The following ATP11A variants were observed in gnomAD, a reference collection of about 807,000 sequenced individuals.
ATP11A encodes the protein ATPase phospholipid transporting 11A.
A neutral mutation model predicts 154.4 loss-of-function variants in ATP11A; 81 were observed. That is an observed-to-expected ratio of 0.52 (90% confidence interval 0.44 to 0.63). The LOEUF (loss-of-function observed/expected upper bound fraction) is 0.63. Ranked by LOEUF, ATP11A falls within the 30% of genes least tolerant of loss-of-function variation. ATP11A has a pLI of 0.00. For synonymous variants in ATP11A, 623 were observed against 585.9 expected (o/e 1.06, Z -0.91); for missense variants, 1,316 against 1,474.3 (o/e 0.89, Z 1.76).
intron 1 of ATP11A, among the ~76,000 whole-genome samples, chr13:112,722,702 A>G (rs1889337672): frequency 6.6e-6 from 1 of 152,212 alleles, no homozygotes; most frequent in Non-Finnish European, 1.5e-5. Flanking sequence ...TACGTAAAAT[A>G]CTTTAGAAAG....
At chr13:112,722,458 G>A (rs535060779) in intron 1 of ATP11A, among the ~76,000 whole-genome samples, 159 of 152,250 alleles carry the variant, frequency 1.0e-3, no homozygotes, top group Non-Finnish European at 2.0e-3. Context: ...TCAGGGTAGC[G>A]AGTTTCAGGG....
chr13:112,718,644 C>T (rs892243066), intron 1 of ATP11A, among the ~76,000 whole-genome samples: 1 of 149,014 alleles, frequency 6.7e-6, no homozygotes, highest in African/African-American at 2.5e-5. Context: ...GATTAGCAGT[C>T]GGACCAGGGT....
rs375646109 is a variant in ATP11A, at chr13:112,854,365, C to T, written c.2078C>T (p.Thr693Met). Reference protein sequence around the residue: ...VWVLTGDKMETAAATCYACKL... With the variant: ...VWVLTGDKMEMAAATCYACKL... ...GTTCTCACGGGAGACAAGATGGAGACGGCCGCGGCCACGTGCTACGCCTGC... is the reference window on the plus strand; with the variant it reads ...GTTCTCACGGGAGACAAGATGGAGATGGCCGCGGCCACGTGCTACGCCTGC... Residue 693 changes from threonine to methionine, a missense_variant, in exon 19 of 30, where the codon ACG becomes ATG. Around this residue, in one of 5 missense-constraint regions of ATP11A, gnomAD observed 876 missense variants for 1,006.8 expected, o/e 0.87. Coordinates refer to ENST00000375645, the MANE Select transcript of ATP11A (RefSeq NM_015205.3). The T allele has an allele frequency of 1.0e-4, 163 of 1,613,962 alleles. No homozygotes were observed. The highest frequency in any genetic ancestry group is 7.9e-5 in the Non-Finnish European group (93 of 1,180,044).
rs113405928 is a variant in ATP11A at position 112,819,748 on chromosome 13, A to G, written c.675-152A>G. On this transcript the variant is annotated intron_variant, in intron 7 of 29. Transcript: ENST00000375645. ...TGAGCTGATCAGAACAGAAAGTACG[A>G]CAAGGGAAGGGGCTGGAGCGGGGCT... The G allele has an allele frequency of 9.0e-3, 6,816 of 753,796 alleles. 310 individuals are homozygous for G. The African/African-American group carries it at 0.1, about 12-fold the overall frequency. 46.7% of individuals were successfully genotyped at this position (753,796 alleles called of 1,614,324 possible).
At chr13:112,741,248 T>G (rs947361967) in intron 1 of ATP11A, among the ~76,000 whole-genome samples, 1 of 148,864 alleles carries the variant, frequency 6.7e-6, no homozygotes, top group Admixed American at 6.7e-5. Context: ...GCAGCCACAC[T>G]GGGGGTGGAG....
intron 2 of ATP11A, among the ~76,000 whole-genome samples, chr13:112,795,396 C>A (rs1017452671): frequency 2.0e-5 from 3 of 152,198 alleles, no homozygotes; most frequent in Admixed American, 2.0e-4. Context: ...TGGGAACTTT[C>A]AAAACCATAG....
intron 1 of ATP11A, among the ~76,000 whole-genome samples, chr13:112,730,003 G>C (rs182474575): frequency 6.2e-4 from 95 of 152,370 alleles, no homozygotes; most frequent in African/African-American, 2.1e-3. Context: ...TTTAGTTACA[G>C]ATTTGGGAGC....
intron 1 of ATP11A, among the ~76,000 whole-genome samples, chr13:112,770,058 G>A (rs1490111399): frequency 6.6e-6 from 1 of 152,228 alleles, no homozygotes; most frequent in African/African-American, 2.4e-5. Flanking sequence ...CGTGCTGTGG[G>A]CTCCAAGCGA....
At chr13:112,720,672 C>T (rs1889052199) in intron 1 of ATP11A, among the ~76,000 whole-genome samples, 1 of 152,144 alleles carries the variant, frequency 6.6e-6, no homozygotes, top group Non-Finnish European at 1.5e-5. Flanking sequence ...ATTCTCCTGC[C>T]TCAGCCTCCT....
intron 25 of ATP11A, among the ~76,000 whole-genome samples, chr13:112,868,157 G>A (rs749186213): frequency 1.3e-5 from 2 of 152,206 alleles, no homozygotes; most frequent in African/African-American, 2.4e-5. Flanking sequence ...CTAAGTGAAC[G>A]GTTAAAAGCT....
rs551742558 is a variant in ATP11A, at chr13:112,867,354, G to A, written c.2992-4381G>A. On this transcript the variant is annotated intron_variant, in intron 25 of 29. Transcript: ENST00000375645. ...AGACTTCATGGTGTTGCCCAGTGCG[G>A]CCTCTGGGTTGCTCTAGTTCCAAAT... is the stretch of plus-strand genomic sequence containing the variant. 3.3e-4 allele frequency among the ~76,000 whole-genome samples: 51 copies of A among 152,344 alleles called. No homozygotes were observed. In the South Asian group the frequency reaches 7.5e-3, roughly 22 times the overall value.
chr13:112,882,000 A>G lies in ATP11A; in HGVS notation c.*134A>G, dbSNP rs1460093435. 2.9e-6 allele frequency: 4 copies of G among 1,367,758 alleles called. No homozygotes were observed. The highest frequency in any genetic ancestry group is 1.1e-5 in the South Asian group (1 of 88,036). The allele number at this position is 1,367,758 out of a possible 1,614,324, so 84.7% of individuals were successfully genotyped here. A position where few individuals can be genotyped will look rare whatever the true frequency, so the allele number is the denominator to read the frequency against. On this transcript the variant is annotated 3_prime_UTR_variant, in exon 30 of 30. Transcript: ENST00000375645. ...CCCCCACCCATCCTCGGCGGTTCCC[A>G]TCACCACTGCAGTTCCATCCCAAGT...
At chr13:112,762,939 T>A (rs1324523937) in intron 1 of ATP11A, among the ~76,000 whole-genome samples, 3 of 152,188 alleles carry the variant, frequency 2.0e-5, no homozygotes, top group Non-Finnish European at 2.9e-5. Context: ...CCCATCCTTT[T>A]CTGGTAACTT....
At chr13:112,801,588 A>G (rs1193332359) in intron 2 of ATP11A, among the ~76,000 whole-genome samples, 1 of 152,264 alleles carries the variant, frequency 6.6e-6, no homozygotes, top group East Asian at 1.9e-4. Flanking sequence ...GTTAGAGGCG[A>G]TTATAGCATG....
At chr13:112,828,539 G>T (rs1258854117) in intron 12 of ATP11A, among the ~76,000 whole-genome samples, 2 of 150,412 alleles carry the variant, frequency 1.3e-5, no homozygotes, top group African/African-American at 4.9e-5. Context: ...GCAGTGTTGA[G>T]TAGGGGGGAA....
chr13:112,768,048 C>T (rs1369091970), intron 1 of ATP11A, among the ~76,000 whole-genome samples: 6 of 152,222 alleles, frequency 3.9e-5, no homozygotes, highest in African/African-American at 1.4e-4. Context: ...CCCTGGGATC[C>T]GTGTCCTCCT....
chr13:112,708,171 C>T (rs1456140243), intron 1 of ATP11A, among the ~76,000 whole-genome samples: 1 of 152,088 alleles, frequency 6.6e-6, no homozygotes, highest in Non-Finnish European at 1.5e-5. Context: ...ACAGGGAAAA[C>T]GCTTCCACAA....
Position 112,838,874 on chromosome 13 carries a change from G to A in ATP11A, c.1705+2623G>A, listed in dbSNP as rs1327049891. On this transcript the variant is annotated intron_variant, in intron 16 of 29. Transcript: ENST00000375645. The surrounding 1 kb of genome is among the most constrained non-coding windows in gnomAD (Gnocchi z 7.3). Reference sequence around the variant, plus strand: ...TCTGTAAGTAGTAGTCATCCCCGGAGAGGTTCACTAATTGCACTGGAGTTC... The same window carrying A: ...TCTGTAAGTAGTAGTCATCCCCGGAAAGGTTCACTAATTGCACTGGAGTTC... Among the ~76,000 whole-genome samples, 2 of 152,224 alleles carry A rather than the reference G, an allele frequency of 1.3e-5. No individual in the cohort carries two copies. Among genetic ancestry groups the A allele is most frequent in the Admixed American group, 1.3e-4 (2 of 15,286 alleles).
intron 26 of ATP11A, among the ~76,000 whole-genome samples, chr13:112,872,118 C>A (rs1002546349): frequency 6.6e-5 from 10 of 152,160 alleles, no homozygotes; most frequent in African/African-American, 2.2e-4. Context: ...AGCCCTCCCC[C>A]CAGCGCCATC....
Sources: allele counts gnomAD v4.1 joint callset (sites outside exome capture counted in the v4.1 genomes callset), GRCh38; gene constraint gnomAD v4.1.1; regional missense constraint gnomAD v4.1.1; non-coding constraint Gnocchi (gnomAD v3.1); transcripts MANE v1.5; gene names NCBI Gene and HGNC (gene_info 2026-07-23, HGNC 2026-07-21).